Variants in FBXW8 observed in about 807,000 individuals in gnomAD.
FBXW8 encodes F-box and WD repeat domain containing 8, also known as F-box/WD repeat-containing protein 8.
FBXW8 carries 57 observed loss-of-function variants against 65.3 expected under a neutral mutation model. That is an observed-to-expected ratio of 0.87 (90% CI 0.71 to 1.09). FBXW8 has a LOEUF of 1.09. Ranked by LOEUF, FBXW8 falls within the 50% of genes least tolerant of loss-of-function variation. The probability of loss-of-function intolerance (pLI) is 0.00; values close to 1 mark genes in which losing one functional copy is unlikely to be tolerated. For missense variants in FBXW8, 777 were observed against 814.8 expected (o/e 0.95, Z 0.57); for synonymous variants, 308 against 330.2 (o/e 0.93, Z 0.73).
chr12:116,924,172 CAGTGTTGTCCATTTTCATGTTTT>C (rs1881138069), intron 1 of FBXW8, among the ~76,000 whole-genome samples: 1 of 23,644 alleles, frequency 4.2e-5, no homozygotes, highest in East Asian at 2.7e-3. Context: ...GTTTTTAAGT[CAGTGTTGTCCATTTTCATGTTTT>C]TAAGTCAGTG....
intron 7 of FBXW8, among the ~76,000 whole-genome samples, chr12:116,990,206 T>A (rs772678082): frequency 2.0e-5 from 3 of 152,234 alleles, no homozygotes; most frequent in Non-Finnish European, 4.4e-5. Flanking sequence ...TGGCATCCTA[T>A]CATCTCAATG....
At chr12:116,978,833 C>G (rs768984435) in intron 5 of FBXW8, 19 of 152,004 alleles carry the variant, frequency 1.2e-4, no homozygotes, top group Non-Finnish European at 2.2e-4. Flanking sequence ...AAAACCAGTT[C>G]AGCAGTTATT....
chr12:116,972,776 T>C (rs377021760), intron 5 of FBXW8, among the ~76,000 whole-genome samples: 1 of 152,178 alleles, frequency 6.6e-6, no homozygotes. Context: ...GTGTTAAATA[T>C]AGATAGAGAA....
At chr12:116,979,067 T>C (rs1309395721) in intron 5 of FBXW8, 1 of 152,244 alleles carries the variant, frequency 6.6e-6, no homozygotes, top group Non-Finnish European at 1.5e-5. Flanking sequence ...ACAAAAATGG[T>C]ATCCATTATG....
chr12:116,921,809 G>C (rs896848604), intron 1 of FBXW8, among the ~76,000 whole-genome samples: 3 of 147,292 alleles, frequency 2.0e-5, no homozygotes, highest in African/African-American at 7.5e-5. Context: ...TTAACATTTT[G>C]GTGTATTTCT....
intron 5 of FBXW8, among the ~76,000 whole-genome samples, chr12:116,982,205 T>C (rs1056154626): frequency 6.6e-6 from 1 of 152,168 alleles, no homozygotes; most frequent in African/African-American, 2.4e-5. Context: ...ACAGTAAATA[T>C]AAATGATTTA....
At chr12:117,011,281 G>A (rs1247774638) in intron 8 of FBXW8, among the ~76,000 whole-genome samples, 2 of 152,066 alleles carry the variant, frequency 1.3e-5, no homozygotes, top group African/African-American at 2.4e-5. Flanking sequence ...GTGTCAGATC[G>A]TGAGGCGGGT....
Position 116,910,967 on chromosome 12 carries a change from T to G in FBXW8, c.-71T>G, listed in dbSNP as rs1352162613. The G allele has an allele frequency of 1.3e-5, 17 of 1,278,948 alleles. No homozygotes were observed. The South Asian group carries it at 3.8e-4, about 29-fold the overall frequency. The allele number at this position is 1,278,948 out of a possible 1,614,324, so 79.2% of individuals were successfully genotyped here. A position where few individuals can be genotyped will look rare whatever the true frequency, so the allele number is the denominator to read the frequency against. On this transcript the variant is annotated 5_prime_UTR_variant, in exon 1 of 11. Coordinates refer to ENST00000652555, the MANE Select transcript of FBXW8 (RefSeq NM_153348.3). ...AGCGGCTTCCGGCCGCGGCGGACAC[T>G]TCCCTGGGCGGGACTGTCTCGTGGC...
intron 3 of FBXW8, among the ~76,000 whole-genome samples, chr12:116,945,974 A>G (rs1445815578): frequency 6.6e-6 from 1 of 152,244 alleles, no homozygotes; most frequent in Admixed American, 6.5e-5. Context: ...CTTCCCTCAC[A>G]TAACCTATTG....
At chr12:116,929,657 GTAAC>G (rs1419825664) in intron 2 of FBXW8, among the ~76,000 whole-genome samples, 1 of 152,140 alleles carries the variant, frequency 6.6e-6, no homozygotes, top group East Asian at 1.9e-4. Context: ...CTCAGTTGAG[GTAAC>G]TAACATGTAT....
At chr12:116,952,863 G>A (rs1409114091) in intron 4 of FBXW8, among the ~76,000 whole-genome samples, 3 of 152,074 alleles carry the variant, frequency 2.0e-5, no homozygotes, top group Admixed American at 6.5e-5. Context: ...TCAGCCTCCC[G>A]AGTAGCTGGG....
intron 2 of FBXW8, among the ~76,000 whole-genome samples, chr12:116,940,855 C>A (rs1882519151): frequency 6.6e-6 from 1 of 152,008 alleles, no homozygotes; most frequent in South Asian, 2.1e-4. Context: ...GTTATTGAGT[C>A]TTGAGTACCA....
chr12:116,913,839 ATGT>A (rs1056729891), intron 1 of FBXW8, among the ~76,000 whole-genome samples: 13 of 152,148 alleles, frequency 8.5e-5, no homozygotes, highest in Non-Finnish European at 4.4e-5. Flanking sequence ...AATCTATTTC[ATGT>A]TGTTGGAAAA....
At position 116,928,080 on chromosome 12, in the gene FBXW8, A is replaced by G. The variant is rs548541039; in HGVS notation, c.376A>G (p.Asn126Asp). ...DIQLPYELAINIFQYLDRKEL... is the reference protein window; with the variant it reads ...DIQLPYELAIDIFQYLDRKEL... The stretch of plus-strand genomic sequence containing the variant: ...CCAACTGCCTTACGAATTGGCAATC[A>G]ATATATTTCAGTATCTGGACAGGAA... The change falls in exon 2 of 11, where the codon AAT (asparagine) becomes GAT (aspartate). Residue 126 changes from asparagine (N) to aspartate (D), a missense_variant. Asn to Asp is a conservative substitution (Grantham distance 23). Coordinates refer to ENST00000652555, the MANE Select transcript of FBXW8 (RefSeq NM_153348.3). 6.8e-6 allele frequency: 11 copies of G among 1,612,590 alleles called. No homozygotes were observed. The highest frequency in any genetic ancestry group is 4.0e-5 in the African/African-American group (3 of 74,980).
At chr12:116,913,312 A>G (rs1449454653) in intron 1 of FBXW8, among the ~76,000 whole-genome samples, 1 of 152,246 alleles carries the variant, frequency 6.6e-6, no homozygotes, top group Non-Finnish European at 1.5e-5. Flanking sequence ...AATCATGTAC[A>G]GTTGACCTTT....
At chr12:116,912,380 A>G (rs547392413) in intron 1 of FBXW8, among the ~76,000 whole-genome samples, 21 of 151,306 alleles carry the variant, frequency 1.4e-4, no homozygotes, top group Non-Finnish European at 2.7e-4. Flanking sequence ...GGTAGAGACA[A>G]GGTCTCCCTG....
intron 2 of FBXW8, among the ~76,000 whole-genome samples, chr12:116,930,661 TTGTC>T (rs1394998559): frequency 6.6e-6 from 1 of 152,236 alleles, no homozygotes; most frequent in African/African-American, 2.4e-5. Context: ...GTAATCCCAT[TTGTC>T]TGTTTTTGTT....
intron 4 of FBXW8, among the ~76,000 whole-genome samples, chr12:116,959,439 G>A (rs796527671): frequency 9.2e-5 from 14 of 152,200 alleles, no homozygotes; most frequent in African/African-American, 2.4e-4. Context: ...CCACTAAAAT[G>A]TTTCTTGTGA....
intron 5 of FBXW8, chr12:116,979,529 C>T (rs1885163000): frequency 1.3e-5 from 2 of 152,214 alleles, no homozygotes; most frequent in Non-Finnish European, 2.9e-5. Context: ...GGCCAGTGGT[C>T]CTCACTTGTC....
Sources: gnomAD v4.1 joint callset for allele counts (sites outside exome capture counted in the v4.1 genomes callset) on GRCh38, gnomAD v4.1.1 for gene constraint, MANE v1.5 for transcripts, NCBI Gene and HGNC (gene_info 2026-07-23, HGNC 2026-07-21) for gene names.